SH2D4A: variants seen among roughly 807,000 people sequenced by gnomAD.
SH2D4A encodes the protein SH2 domain-containing protein 4A.
SH2D4A carries 70 observed loss-of-function variants against 64.7 expected under a neutral mutation model. The ratio of observed to expected loss-of-function variants is 1.08; its 90% confidence interval spans 0.89 to 1.32. The LOEUF (loss-of-function observed/expected upper bound fraction) is 1.32, where lower values mean the gene tolerates loss of function less well. Ranked by LOEUF, SH2D4A falls within the 40% of genes most tolerant of loss-of-function variation. The probability of loss-of-function intolerance (pLI) is 0.00; values close to 1 mark genes in which losing one functional copy is unlikely to be tolerated. For synonymous variants in SH2D4A, 268 were observed against 200.7 expected (o/e 1.34, Z -2.83); for missense variants, 706 against 540.1 (o/e 1.31, Z -3.04).
chr8:19,380,872 A>G (rs1388075026), intron 8 of SH2D4A, among the ~76,000 whole-genome samples: 4 of 152,058 alleles, frequency 2.6e-5, no homozygotes, highest in Non-Finnish European at 5.9e-5. Context: ...AAGATTCCAC[A>G]TGAATTTTTG....
At chr8:19,383,927 C>T (rs1003022676) in intron 8 of SH2D4A, among the ~76,000 whole-genome samples, 2 of 152,108 alleles carry the variant, frequency 1.3e-5, no homozygotes, top group Admixed American at 6.6e-5. Flanking sequence ...ACATCTATGT[C>T]ATAGGGTTGT....
intron 2 of SH2D4A, among the ~76,000 whole-genome samples, chr8:19,325,364 C>A (rs1228071649): frequency 6.6e-6 from 1 of 152,178 alleles, no homozygotes; most frequent in Non-Finnish European, 1.5e-5. Context: ...ATCTTGCCCC[C>A]TTTATTGTTA....
At chr8:19,385,879 G>A (rs183110591) in intron 8 of SH2D4A, among the ~76,000 whole-genome samples, 1 of 152,220 alleles carries the variant, frequency 6.6e-6, no homozygotes, top group East Asian at 1.9e-4. Flanking sequence ...CTTAATTGTG[G>A]GGCTATCAAT....
intron 8 of SH2D4A, among the ~76,000 whole-genome samples, chr8:19,386,843 G>C (rs183744036): frequency 2.0e-5 from 3 of 152,354 alleles, no homozygotes; most frequent in African/African-American, 7.2e-5. Context: ...GCAGTGGGGT[G>C]ATCACAACTC....
At position 19,333,019 on chromosome 8, in the gene SH2D4A, C is replaced by G; in HGVS notation, c.246C>G (p.Gly82=). 6.2e-7 allele frequency: 1 copy of G among 1,613,928 alleles called. No individual in the cohort carries two copies. ...ADKEVWVWVM[G]EHHLDKPYDV... is the part of the protein sequence containing the mutation. ...AGGAAGTCTGGGTATGGGTGATGGG[C>G]GAACACCATCTAGATAAACCCTATG... Residue 82 remains glycine (G), a synonymous_variant, in exon 3 of 10, where the codon GGC becomes GGG. Transcript: ENST00000265807.
At chr8:19,388,966 C>T (rs1166334308) in intron 8 of SH2D4A, among the ~76,000 whole-genome samples, 1 of 152,186 alleles carries the variant, frequency 6.6e-6, no homozygotes. Context: ...GAGGGGAAAA[C>T]TAGCTGAGTA....
intron 4 of SH2D4A, among the ~76,000 whole-genome samples, chr8:19,339,435 G>T (rs1374225718): frequency 6.6e-6 from 1 of 150,564 alleles, no homozygotes; most frequent in African/African-American, 2.4e-5. Flanking sequence ...ACTTATTTCA[G>T]TACCTCCAAA....
chr8:19,355,739 C>T (rs993453320), intron 4 of SH2D4A, among the ~76,000 whole-genome samples: 4 of 152,174 alleles, frequency 2.6e-5, no homozygotes, highest in African/African-American at 7.2e-5. Flanking sequence ...AAGACACTAA[C>T]ATGGTGCCGG....
chr8:19,314,058 G>A (rs2052043607), intron 1 of SH2D4A: 1 of 1,209,690 alleles, frequency 8.3e-7, no homozygotes, highest in East Asian at 3.5e-5. Flanking sequence ...TCCGGTGTCC[G>A]GTGTCTGGAG....
rs1159245319 is a variant in SH2D4A, at chr8:19,382,823, C to CTTTTTTTTTTTTTTTTTTTTTTTTTT, written c.1048+9188_1048+9189insTTTTTTTTTTTTTTTTTTTTTTTTTT. On this transcript the variant is annotated intron_variant, in intron 8 of 9. Coordinates refer to ENST00000265807, the MANE Select transcript of SH2D4A (RefSeq NM_022071.4). The stretch of plus-strand genomic sequence containing the variant: ...TTTCTCTCTTGCTGCTTTTAAGATT[C>CTTTTTTTTTTTTTTTTTTTTTTTTTT]TTTTTTTTTTTTTTTTTTTTTTTTT... Among the ~76,000 whole-genome samples, 9 of 64,628 alleles carry CTTTTTTTTTTTTTTTTTTTTTTTTTT rather than the reference C, an allele frequency of 1.4e-4. 1 individual carries two copies. Among genetic ancestry groups the CTTTTTTTTTTTTTTTTTTTTTTTTTT allele is most frequent in the Non-Finnish European group, 2.3e-4 (8 of 34,650 alleles). The allele number at this position is 64,628 out of a possible 152,430, so 42.4% of individuals were successfully genotyped here.
intron 3 of SH2D4A, among the ~76,000 whole-genome samples, chr8:19,333,666 A>G (rs554933733): frequency 7.9e-5 from 12 of 152,202 alleles, no homozygotes; most frequent in Non-Finnish European, 1.6e-4. Context: ...TAGGAGGAGA[A>G]GTAGACATAT....
intron 4 of SH2D4A, among the ~76,000 whole-genome samples, chr8:19,356,237 C>G (rs2052789238): frequency 6.6e-6 from 1 of 152,184 alleles, no homozygotes; most frequent in African/African-American, 2.4e-5. Context: ...GTGGGGTAGC[C>G]ACATGCCAGC....
At chr8:19,345,246 C>T (rs1250654550) in intron 4 of SH2D4A, among the ~76,000 whole-genome samples, 2 of 152,206 alleles carry the variant, frequency 1.3e-5, no homozygotes, top group Non-Finnish European at 2.9e-5. Flanking sequence ...GGGCTGCAGG[C>T]AGCCACATGG....
At chr8:19,390,990 A>G (rs561582163) in intron 8 of SH2D4A, among the ~76,000 whole-genome samples, 1 of 152,314 alleles carries the variant, frequency 6.6e-6, no homozygotes, top group African/African-American at 2.4e-5. Flanking sequence ...CCATCTGTTG[A>G]AACAGCCTGG....
At position 19,373,645 on chromosome 8, in the gene SH2D4A, G is replaced by A; in HGVS notation, c.1033G>A (p.Ala345Thr). 6.2e-7 allele frequency: 1 copy of A among 1,613,170 alleles called. No individual in the cohort carries two copies. Among genetic ancestry groups the A allele is most frequent in the African/African-American group, 1.3e-5 (1 of 74,928 alleles). Reference sequence around the variant, plus strand: ...CTACCAGAAAACCTCAGACACCATAGCCCCCTGGTTCCATGGTGAGTGCAG... The same window carrying A: ...CTACCAGAAAACCTCAGACACCATAACCCCCTGGTTCCATGGTGAGTGCAG... The part of the protein sequence containing the change: ...AGYQKTSDTI[A>T]PWFHGILTLK... Residue 345 changes from alanine (A) to threonine (T), a missense_variant, in exon 8 of 10, where the codon GCC becomes ACC. Transcript: ENST00000265807.
chr8:19,353,924 A>G (rs2052749433), intron 4 of SH2D4A, among the ~76,000 whole-genome samples: 1 of 151,494 alleles, frequency 6.6e-6, no homozygotes, highest in African/African-American at 2.4e-5. Flanking sequence ...AGTTTACAGT[A>G]TGTTTTAGAC....
At chr8:19,391,545 G>C (rs181590021) in intron 8 of SH2D4A, among the ~76,000 whole-genome samples, 1 of 152,132 alleles carries the variant, frequency 6.6e-6, no homozygotes, top group Non-Finnish European at 1.5e-5. Flanking sequence ...TCTGCAAGTC[G>C]GGGAGACTGG....
At chr8:19,386,414 G>A (rs539347348) in intron 8 of SH2D4A, among the ~76,000 whole-genome samples, 15 of 152,352 alleles carry the variant, frequency 9.8e-5, no homozygotes, top group African/African-American at 3.6e-4. Flanking sequence ...AAATGTCACT[G>A]TGTTTGCCAG....
chr8:19,373,133 G>A (rs966387183), intron 7 of SH2D4A, among the ~76,000 whole-genome samples: 1 of 152,074 alleles, frequency 6.6e-6, no homozygotes, highest in Non-Finnish European at 1.5e-5. Flanking sequence ...TGTTAACACA[G>A]CAGTGGCTCA....
Sources: gnomAD v4.1 joint callset for allele counts (sites outside exome capture counted in the v4.1 genomes callset) on GRCh38, gnomAD v4.1.1 for gene constraint, MANE v1.5 for transcripts, NCBI Gene and HGNC (gene_info 2026-07-23, HGNC 2026-07-21) for gene names.